The following OLFM1 variants were observed in gnomAD, a reference collection of about 807,000 sequenced individuals.
OLFM1 encodes the protein noelin.
Under a neutral mutation model 49.7 loss-of-function variants are expected in OLFM1, and 9 were observed. The observed-to-expected ratio is 0.18, with a 90% CI of 0.11 to 0.32. The LOEUF is 0.32. Ranked by LOEUF, OLFM1 falls within the 10% of genes least tolerant of loss-of-function variation. The pLI is 1.00. For missense variants in OLFM1, 369 were observed against 661.8 expected (o/e 0.56, Z 4.85); for synonymous variants, 240 against 271.8 (o/e 0.88, Z 1.15).
At chr9:135,114,179 CTGGAGT>C (rs573244143) in intron 5 of OLFM1, among the ~76,000 whole-genome samples, 5,250 of 61,904 alleles carry the variant, frequency 0.085, 376 homozygotes, top group African/African-American at 0.47. Flanking sequence ...GTTGCCCATG[CTGGAGT>C]GCTGGAGTGC....
rs1001983954 is a variant in OLFM1, at chr9:135,088,902, C to G, written c.150+763C>G. ...AGCCTAGCGGGAGGGGAACCGTGGC[C>G]GGGGCTGCTTCTGGGCAGAGCTGAC... On this transcript the variant is annotated intron_variant, in intron 1 of 5. Transcript: ENST00000371793. The surrounding 1 kb of genome is among the most constrained non-coding windows in gnomAD (Gnocchi z 4.8). 6.6e-6 allele frequency among the ~76,000 whole-genome samples: 1 copy of G among 152,192 alleles called. No individual in the cohort carries two copies.
chr9:135,104,368 G>A (rs550798924), intron 4 of OLFM1, among the ~76,000 whole-genome samples: 2 of 152,338 alleles, frequency 1.3e-5, no homozygotes, highest in African/African-American at 2.4e-5. Context: ...GGCCTCTGCC[G>A]GCTGCCTGCA....
At chr9:135,091,921 A>T (rs1328629546) in intron 2 of OLFM1, among the ~76,000 whole-genome samples, 1 of 149,376 alleles carries the variant, frequency 6.7e-6, no homozygotes, top group Non-Finnish European at 1.5e-5. Context: ...ACATAGTCAC[A>T]CACGTTCACA....
chr9:135,108,951 C>T (rs942381739), intron 5 of OLFM1, among the ~76,000 whole-genome samples: 6 of 152,264 alleles, frequency 3.9e-5, no homozygotes, highest in East Asian at 3.9e-4. Context: ...GCCCTTCCCA[C>T]ACCTCCCCGC....
rs145624943 is a variant in OLFM1 at position 135,108,843 on chromosome 9, G to C, written c.783+1988G>C. On this transcript the variant is annotated intron_variant, in intron 5 of 5. Transcript: ENST00000371793. ...GTGTGGATGACAAGACTGTTCTCACGCCCAGAGGCAGAAGGGTCTCAGGAT... is the reference window on the plus strand; with the variant it reads ...GTGTGGATGACAAGACTGTTCTCACCCCCAGAGGCAGAAGGGTCTCAGGAT... Among the ~76,000 whole-genome samples the C allele has an allele frequency of 5.0e-3, 761 of 152,160 alleles. 5 individuals carry two copies. The highest frequency in any genetic ancestry group is 0.015 in the African/African-American group (614 of 41,510).
At chr9:135,092,695 A>G (rs1021489450) in intron 2 of OLFM1, among the ~76,000 whole-genome samples, 10 of 152,146 alleles carry the variant, frequency 6.6e-5, no homozygotes, top group African/African-American at 2.4e-4. Flanking sequence ...AGAATGCTCC[A>G]TGAGCCCCTG....
At chr9:135,091,555 T>A (rs112973921) in intron 2 of OLFM1, among the ~76,000 whole-genome samples, 24 of 62,092 alleles carry the variant, frequency 3.9e-4, no homozygotes, top group South Asian at 2.1e-3. Context: ...AGTCACACAC[T>A]CATAGTCACA....
chr9:135,102,715 G>T (rs765775260), intron 4 of OLFM1, among the ~76,000 whole-genome samples: 3 of 152,190 alleles, frequency 2.0e-5, no homozygotes, highest in African/African-American at 7.2e-5. Flanking sequence ...TCCCAGCTTT[G>T]CAGACTTCTT....
At chr9:135,092,449 A>G (rs948387659) in intron 2 of OLFM1, among the ~76,000 whole-genome samples, 1 of 152,228 alleles carries the variant, frequency 6.6e-6, no homozygotes, top group African/African-American at 2.4e-5. Flanking sequence ...ACCTGAGTAA[A>G]TCATTTTAAA....
intron 3 of OLFM1, chr9:135,097,936 A>T (rs1013046663): frequency 6.7e-7 from 1 of 1,486,432 alleles, no homozygotes; most frequent in African/African-American, 1.4e-5. Flanking sequence ...CCTTGAATAC[A>T]ACCAGGATCC....
At chr9:135,081,746 C>T (rs1830535490) in intron 1 of OLFM1, among the ~76,000 whole-genome samples, 1 of 152,172 alleles carries the variant, frequency 6.6e-6, no homozygotes, top group Non-Finnish European at 1.5e-5. Context: ...GAGGCCGAGG[C>T]AGGTGGATCA....
chr9:135,111,796 G>A (rs116508897), intron 5 of OLFM1, among the ~76,000 whole-genome samples: 5,199 of 152,182 alleles, frequency 0.034, 200 homozygotes, highest in African/African-American at 0.089. Context: ...TGCAACCTCC[G>A]CCTCCCGAAT....
intron 2 of OLFM1, among the ~76,000 whole-genome samples, chr9:135,094,754 G>A (rs928922750): frequency 5.3e-5 from 8 of 152,152 alleles, no homozygotes; most frequent in Non-Finnish European, 1.0e-4. Flanking sequence ...TGGCGGGGTG[G>A]AGGATGTATA....
exon 1 of OLFM1, chr9:135,075,632 C>G: frequency 9.4e-7 from 1 of 1,069,282 alleles, no homozygotes; most frequent in Non-Finnish European, 1.3e-6. Context: ...CCGCCGGAGC[C>G]AGCGGAGCCG....
intron 4 of OLFM1, among the ~76,000 whole-genome samples, chr9:135,103,479 C>G (rs147244357): frequency 6.6e-6 from 1 of 152,228 alleles, no homozygotes; most frequent in African/African-American, 2.4e-5. Flanking sequence ...CCCTTCCCTG[C>G]CCTTGCTAAG....
intron 5 of OLFM1, 142 bp downstream of exon 5, chr9:135,106,997 C>G (rs1830954005): frequency 7.6e-6 from 5 of 654,886 alleles, no homozygotes; most frequent in Admixed American, 5.7e-5. Context: ...GCGTTTGTTC[C>G]TGGAAGACTT....
chr9:135,110,188 CTG>C (rs543710424), intron 5 of OLFM1, among the ~76,000 whole-genome samples: 1 of 152,314 alleles, frequency 6.6e-6, no homozygotes, highest in South Asian at 2.1e-4. Context: ...CCCTGCCAGG[CTG>C]TGTTCCCACC....
upstream of OLFM1, among the ~76,000 whole-genome samples, chr9:135,085,706 C>G (rs1457780345): frequency 6.6e-6 from 1 of 152,232 alleles, no homozygotes; most frequent in Admixed American, 6.5e-5. Flanking sequence ...GCCATGGATC[C>G]CCTAATCCAA....
At chr9:135,094,333 C>T (rs1479491310) in intron 2 of OLFM1, among the ~76,000 whole-genome samples, 4 of 152,350 alleles carry the variant, frequency 2.6e-5, no homozygotes, top group Non-Finnish European at 4.4e-5. Flanking sequence ...AACAAAGTGA[C>T]GTTGTTGTTT....
Sources: allele counts gnomAD v4.1 joint callset (sites outside exome capture counted in the v4.1 genomes callset), GRCh38; gene constraint gnomAD v4.1.1; non-coding constraint Gnocchi (gnomAD v3.1); transcripts MANE v1.5; gene names NCBI Gene and HGNC (gene_info 2026-07-23, HGNC 2026-07-21).